The following COL21A1 variants were observed in gnomAD, a reference collection of about 807,000 sequenced individuals.
COL21A1 encodes collagen alpha-1(XXI) chain.
Under a neutral mutation model 137.9 loss-of-function variants are expected in COL21A1, and 149 were observed. That is an observed-to-expected ratio of 1.08 (90% CI 0.95 to 1.24). The LOEUF (loss-of-function observed/expected upper bound fraction) is 1.24. Ranked by LOEUF, COL21A1 falls within the 50% of genes most tolerant of loss-of-function variation. The pLI, the probability that COL21A1 is intolerant of heterozygous loss-of-function variation, is 0.00. For synonymous variants in COL21A1, 456 were observed against 391.5 expected, an observed-to-expected ratio of 1.16 and a Z score of -1.95; for missense variants, 1,167 against 1,158.4, an observed-to-expected ratio of 1.01 and a Z score of -0.11.
At chr6:56,222,224 G>A (rs935368030) in intron 1 of COL21A1, among the ~76,000 whole-genome samples, 38 of 152,070 alleles carry the variant, frequency 2.5e-4, no homozygotes, top group African/African-American at 8.7e-4. Context: ...AGTGAGCCGA[G>A]ATCGTGCTAT....
chr6:56,081,692 C>A (rs4336432), intron 17 of COL21A1, among the ~76,000 whole-genome samples: 6 of 151,604 alleles, frequency 4.0e-5, no homozygotes, highest in African/African-American at 9.7e-5. Context: ...GCAATAAACC[C>A]TTGATAAGGA....
chr6:56,133,198 C>G (rs1773710387), intron 12 of COL21A1, among the ~76,000 whole-genome samples: 1 of 152,112 alleles, frequency 6.6e-6, no homozygotes, highest in Non-Finnish European at 1.5e-5. Flanking sequence ...ATGGCTTTGA[C>G]CAAAATGCTG....
chr6:56,129,699 T>TGTGTGTGTGAGAGA (rs1450514214), intron 12 of COL21A1, among the ~76,000 whole-genome samples: 1 of 120,518 alleles, frequency 8.3e-6, no homozygotes, highest in East Asian at 2.4e-4. Context: ...TGTGTGTGTG[T>TGTGTGTGTGAGAGA]GAGAGAGAGA....
At chr6:56,356,428 C>A (rs1483160087) in intron 1 of COL21A1, among the ~76,000 whole-genome samples, 1 of 152,192 alleles carries the variant, frequency 6.6e-6, no homozygotes, top group Non-Finnish European at 1.5e-5. Context: ...TACTCACTCC[C>A]CTCTGCCCCC....
At chr6:56,126,017 A>G (rs1773025984) in intron 13 of COL21A1, 79 bp downstream of exon 13, 2 of 760,206 alleles carry the variant, frequency 2.6e-6, no homozygotes, top group East Asian at 2.8e-5. Flanking sequence ...TATTTATAAC[A>G]TATTTGTAAT....
chr6:56,329,219 GTTTC>G (rs1439847199), intron 1 of COL21A1, among the ~76,000 whole-genome samples: 3 of 152,156 alleles, frequency 2.0e-5, no homozygotes, highest in Admixed American at 1.3e-4. Flanking sequence ...TGTCAAACTT[GTTTC>G]TTTAACTTTG....
intron 1 of COL21A1, among the ~76,000 whole-genome samples, chr6:56,362,105 C>T (rs1243431420): frequency 6.6e-6 from 1 of 152,132 alleles, no homozygotes; most frequent in Non-Finnish European, 1.5e-5. Flanking sequence ...CTCCTACTAC[C>T]ACAGGGGCAC....
chr6:56,358,153 T>C (rs534715900), intron 1 of COL21A1, among the ~76,000 whole-genome samples: 183 of 152,198 alleles, frequency 1.2e-3, no homozygotes, highest in Non-Finnish European at 2.2e-3. Context: ...TGATGATGTG[T>C]CACTTTTGAT....
intron 1 of COL21A1, 35 bp downstream of exon 1, chr6:56,247,352 T>C (rs1461855284): frequency 6.6e-6 from 1 of 152,198 alleles, no homozygotes; most frequent in Non-Finnish European, 1.5e-5. Context: ...GATGTCATTC[T>C]GGCAGCGAGA....
intron 1 of COL21A1, among the ~76,000 whole-genome samples, chr6:56,257,481 T>A (rs1330114692): frequency 2.0e-5 from 3 of 152,008 alleles, no homozygotes. Flanking sequence ...TATGAACACA[T>A]AAATATAATA....
intron 1 of COL21A1, among the ~76,000 whole-genome samples, chr6:56,266,342 C>G (rs142136940): frequency 2.0e-5 from 3 of 152,256 alleles, no homozygotes; most frequent in African/African-American, 7.2e-5. Flanking sequence ...AGGCTGGTAC[C>G]TGTGTTTATA....
At chr6:56,098,626 AAT>A (rs1179640372) in intron 17 of COL21A1, among the ~76,000 whole-genome samples, 334 of 11,812 alleles carry the variant, frequency 0.028, 71 homozygotes, top group African/African-American at 0.13. Flanking sequence ...AATATATATA[AAT>A]ATATATATAA....
intron 16 of COL21A1, among the ~76,000 whole-genome samples, chr6:56,122,803 G>C (rs1054108391): frequency 3.3e-5 from 5 of 152,156 alleles, no homozygotes; most frequent in African/African-American, 1.2e-4. Context: ...GCCAGGAACT[G>C]TGCTGGGTGA....
At chr6:56,329,053 C>T (rs932432709) in intron 1 of COL21A1, among the ~76,000 whole-genome samples, 2 of 152,074 alleles carry the variant, frequency 1.3e-5, no homozygotes, top group African/African-American at 4.8e-5. Flanking sequence ...ACAGGGCAAG[C>T]AATGTATGGC....
chr6:56,260,678 AGGAAGGAAGGAAGG>A, intron 1 of COL21A1, among the ~76,000 whole-genome samples: 1 of 137,012 alleles, frequency 7.3e-6, no homozygotes, highest in Admixed American at 7.1e-5. Context: ...GAAGGAAGGA[AGGAAGGAAGGAAGG>A]CAGGCAGGCA....
rs183731476 is a variant in COL21A1, at chr6:56,280,976, G to C, written c.-38-98320C>G. Among the ~76,000 whole-genome samples, 15 of 152,262 alleles carry C rather than the reference G, an allele frequency of 9.9e-5. No homozygotes were observed. The East Asian group carries it at 2.9e-3, about 29-fold the overall frequency. ...GCCATGACTGTGCCACTGCACTCCAGCCTGGGCGACAGACAGAGACCCGGT... is the reference window on the plus strand; with the variant it reads ...GCCATGACTGTGCCACTGCACTCCACCCTGGGCGACAGACAGAGACCCGGT... On this transcript the variant is annotated intron_variant, in intron 1 of 28. Coordinates refer to the COL21A1 transcript ENST00000370819.
At chr6:56,165,818 T>C (rs776599288) in intron 7 of COL21A1, among the ~76,000 whole-genome samples, 3 of 151,866 alleles carry the variant, frequency 2.0e-5, no homozygotes, top group Non-Finnish European at 4.4e-5. Context: ...TCACTGGGAA[T>C]TTACATTGTC....
At chr6:56,352,540 GA>G (rs5876505) in intron 1 of COL21A1, among the ~76,000 whole-genome samples, 10 of 146,902 alleles carry the variant, frequency 6.8e-5, no homozygotes, top group South Asian at 4.3e-4. Context: ...TGCAACTAAG[GA>G]AAAAAAAAAG....
intron 14 of COL21A1, chr6:56,125,315 G>A (rs945697446): frequency 3.0e-5 from 8 of 268,200 alleles, no homozygotes; most frequent in Admixed American, 1.6e-4. Flanking sequence ...CACCGCGCCC[G>A]GCCTGTAAAT....
Sources: gnomAD v4.1 joint callset for allele counts (sites outside exome capture counted in the v4.1 genomes callset) on GRCh38, gnomAD v4.1.1 for gene constraint, MANE v1.5 for transcripts, NCBI Gene and HGNC (gene_info 2026-07-23, HGNC 2026-07-21) for gene names.